The following SART3 variants were observed in gnomAD, a reference collection of about 807,000 sequenced individuals.
SART3 encodes HIV-1 Tat-interacting protein of 110kDa.
In SART3, 44 loss-of-function variants were observed where a neutral mutation model predicts 122.3. That is an observed-to-expected ratio of 0.36 (90% CI 0.28 to 0.46). The LOEUF (loss-of-function observed/expected upper bound fraction) is 0.46. Among genes scored for constraint, SART3 ranks in the 20% least tolerant of loss-of-function variants. SART3 has a pLI of 1.00. For missense variants in SART3, 1,101 were observed against 1,229.0 expected, an observed-to-expected ratio of 0.90 and a Z score of 1.56; for synonymous variants, 442 against 454.0, an observed-to-expected ratio of 0.97 and a Z score of 0.34.
chr12:108,543,115 T>C lies in SART3; in HGVS notation c.819A>G (p.Ser273=), dbSNP rs773894509. ...TTACTGACTCTGGTATTGGGTCTTC[T>C]GACCATTCTTCATACTCTGCAAATG... ...EATFAEYEEW[S]EDPIPESVIQ... The change falls in exon 6 of 19, where the codon TCA becomes TCG. Residue 273 remains serine (S), a synonymous_variant. Coordinates refer to ENST00000546815, the MANE Select transcript of SART3 (RefSeq NM_014706.4). 1.2e-6 allele frequency: 2 copies of C among 1,614,272 alleles called. No homozygotes were observed. Among genetic ancestry groups the C allele is most frequent in the South Asian group, 1.1e-5 (1 of 91,090 alleles).
intron 3 of SART3, among the ~76,000 whole-genome samples, chr12:108,545,922 C>T (rs893817259): frequency 4.5e-5 from 6 of 133,972 alleles, no homozygotes; most frequent in Admixed American, 7.8e-5. Flanking sequence ...GAGCCGAGAT[C>T]ACACCACTGC....
chr12:108,558,154 G>A (rs774474759), intron 1 of SART3, among the ~76,000 whole-genome samples: 1 of 151,764 alleles, frequency 6.6e-6, no homozygotes, highest in Non-Finnish European at 1.5e-5. Flanking sequence ...GCAAGAGTGA[G>A]ATGCTCTCAA....
At chr12:108,535,186 G>A (rs1872848884) in intron 12 of SART3, among the ~76,000 whole-genome samples, 173 bp downstream of exon 12, 1 of 152,128 alleles carries the variant, frequency 6.6e-6, no homozygotes, top group South Asian at 2.1e-4. Context: ...AAAATATCAT[G>A]TCTGGTTCTC....
chr12:108,528,626 G>C (rs1314747052), intron 15 of SART3, among the ~76,000 whole-genome samples: 1 of 152,156 alleles, frequency 6.6e-6, no homozygotes, highest in Non-Finnish European at 1.5e-5. Flanking sequence ...CAGCAGCCTA[G>C]ATCTGGAAGC....
intron 9 of SART3, chr12:108,537,250 G>A (rs1872950885): frequency 5.9e-6 from 3 of 510,724 alleles, no homozygotes; most frequent in African/African-American, 1.9e-5. Flanking sequence ...AAGGAGAAAT[G>A]AGAGCTAAGA....
chr12:108,559,039 G>GAAAAAAAAAAAA (rs747479698), intron 1 of SART3, among the ~76,000 whole-genome samples: 3 of 103,932 alleles, frequency 2.9e-5, no homozygotes, highest in African/African-American at 7.5e-5. Context: ...TCTCAAAAAA[G>GAAAAAAAAAAAA]AAAAAAAAAA....
chr12:108,535,553 T>TAAA, intron 11 of SART3, 85 bp from the exon 12 acceptor site: 2 of 1,082,884 alleles, frequency 1.8e-6, no homozygotes, highest in East Asian at 4.8e-5. Flanking sequence ...CAGACACACA[T>TAAA]AAAAAGCACC....
chr12:108,548,954 C>CT, intron 2 of SART3, 134 bp downstream of exon 2: 1 of 1,338,206 alleles, frequency 7.5e-7, no homozygotes. Context: ...ATAGCTAACT[C>CT]TGATGCGTTT....
At chr12:108,530,871 T>A (rs1405716195) in intron 14 of SART3, among the ~76,000 whole-genome samples, 1 of 150,642 alleles carries the variant, frequency 6.6e-6, no homozygotes. Flanking sequence ...AAAAAAAAAA[T>A]CCATAAAACT....
intron 16 of SART3, chr12:108,525,826 C>A (rs1197334017): frequency 6.3e-6 from 4 of 631,368 alleles, no homozygotes; most frequent in South Asian, 1.9e-5. Flanking sequence ...ATAAAAGTAA[C>A]CATTCACAGA....
chr12:108,533,388 C>CAA (rs34737993), intron 12 of SART3, among the ~76,000 whole-genome samples: 6,601 of 129,632 alleles, frequency 0.051, 496 homozygotes, highest in African/African-American at 0.18. Flanking sequence ...TGGTTATTGC[C>CAA]AAAAAAAAAA....
intron 1 of SART3, among the ~76,000 whole-genome samples, chr12:108,552,089 A>C (rs1257332170): frequency 6.6e-6 from 1 of 152,200 alleles, no homozygotes; most frequent in Non-Finnish European, 1.5e-5. Context: ...CAAAAGGCTA[A>C]AGAAAACTCA....
intron 18 of SART3, chr12:108,524,102 T>C (rs867460011): frequency 1.7e-5 from 10 of 603,188 alleles, no homozygotes; most frequent in South Asian, 4.0e-5. Flanking sequence ...CAAGTGTAAA[T>C]TGGCCAGTAC....
chr12:108,532,123 TA>T, intron 13 of SART3, 98 bp downstream of exon 13: 1 of 1,018,318 alleles, frequency 9.8e-7, no homozygotes, highest in Non-Finnish European at 1.5e-6. Context: ...GGTGGCAGCA[TA>T]AACACAGTCT....
chr12:108,530,369 T>C lies in SART3; in HGVS notation c.1747-59A>G, dbSNP rs1872621427. 4 of 1,585,744 alleles carry C rather than the reference T, an allele frequency of 2.5e-6. No homozygotes were observed. In the South Asian group the frequency reaches 3.3e-5, roughly 13 times the overall value. ...GTGGCAATTACATTCACTGTACTGA[T>C]TTGTCATGAAAGGGGAGAAGGAGTG... On this transcript the variant is annotated intron_variant, in intron 14 of 18. Transcript: ENST00000546815.
In SART3 at chr12:108,524,488, A is replaced by G; in HGVS notation, c.2542T>C (p.Tyr848His). The change falls in exon 18 of 19, where the codon TAT becomes CAT. Residue 848 changes from tyrosine to histidine, a missense_variant. This residue lies in a region of SART3 where 885 missense variants were observed against 1,080.1 expected (regional missense o/e 0.82). Coordinates refer to ENST00000546815, the MANE Select transcript of SART3 (RefSeq NM_014706.4). ...TGCGACGCCTGGGATTCATTTTCAT[A>G]CTCCACGTAGGCCAGGCCCTGGAAG... is the stretch of plus-strand genomic sequence containing the variant. ...GKPKGLAYVEYENESQASQAV... is the reference protein window; with the variant it reads ...GKPKGLAYVEHENESQASQAV... The G allele has an allele frequency of 6.2e-7, 1 of 1,613,746 alleles. No individual in the cohort carries two copies. The highest frequency in any genetic ancestry group is 1.6e-4 in the Middle Eastern group (1 of 6,062).
In SART3 at chr12:108,547,964, T is replaced by G; in HGVS notation, c.467A>C (p.Glu156Ala). 6.2e-7 allele frequency: 1 copy of G among 1,613,600 alleles called. No homozygotes were observed. The highest frequency in any genetic ancestry group is 8.5e-7 in the Non-Finnish European group (1 of 1,180,012). The change falls in exon 3 of 19, where the codon GAG (glutamate) becomes GCG (alanine). Residue 156 changes from glutamate (E) to alanine (A), a missense_variant. Around this residue, in one of 2 missense-constraint regions of SART3, gnomAD observed 885 missense variants for 1,080.1 expected, o/e 0.82. Coordinates refer to ENST00000546815, the MANE Select transcript of SART3 (RefSeq NM_014706.4). ...EELWLEWLHD[E>A]ISMAQDGLDR... ...CAGGCCATCCTGGGCCATGCTGATC[T>G]CGTCATGCAGCCACTCCAGCCAGAG...
rs535666890 is a variant in SART3, at chr12:108,561,149, C to T, written c.6G>A (p.Ala2=). Reference sequence around the variant, plus strand: ...CTGAAGCCGAGGTTTCGGCCGCAGTCGCCATCTTGCGCTTCTAATGACTCT... The same window carrying T: ...CTGAAGCCGAGGTTTCGGCCGCAGTTGCCATCTTGCGCTTCTAATGACTCT... The part of the protein sequence containing the change: M[A]TAAETSASEP... Residue 2 remains alanine (A), a synonymous_variant, in exon 1 of 19, where the codon GCG becomes GCA. Transcript: ENST00000546815. 1.2e-6 allele frequency: 2 copies of T among 1,613,216 alleles called. No homozygotes were observed. The highest frequency in any genetic ancestry group is 2.2e-5 in the South Asian group (2 of 91,046).
Position 108,523,306 on chromosome 12 carries a change from C to T in SART3, c.*151G>A. The T allele has an allele frequency of 1.2e-6, 1 of 823,510 alleles. No individual in the cohort carries two copies. The highest frequency in any genetic ancestry group is 2.5e-5 in the East Asian group (1 of 40,806). The allele number at this position is 823,510 out of a possible 1,614,324, so 51.0% of individuals were successfully genotyped here. A position where few individuals can be genotyped will look rare whatever the true frequency, so the allele number is the denominator to read the frequency against. On this transcript the variant is annotated 3_prime_UTR_variant, in exon 19 of 19. Coordinates refer to ENST00000546815, the MANE Select transcript of SART3 (RefSeq NM_014706.4). ...GCACTGAAAGGCTCTTGACTTAGAA[C>T]CCCTTCCCCTTTCTGTCTAAAGCCG...
Sources: gnomAD v4.1 joint callset for allele counts (sites outside exome capture counted in the v4.1 genomes callset) on GRCh38, gnomAD v4.1.1 for gene constraint, gnomAD v4.1.1 regional missense constraint, MANE v1.5 for transcripts, NCBI Gene and HGNC (gene_info 2026-07-23, HGNC 2026-07-21) for gene names.